PUDP: variants seen among roughly 807,000 people sequenced by gnomAD.
PUDP encodes pseudouridine 5'-phosphatase.
In PUDP, 8 loss-of-function variants were observed where a neutral mutation model predicts 9.4. The observed-to-expected ratio is 0.85, with a 90% CI of 0.50 to 1.53. The LOEUF (loss-of-function observed/expected upper bound fraction) is 1.53, where lower values mean the gene tolerates loss of function less well. PUDP is among the 40% of genes most tolerant of loss of function. The pLI is 0.00. For missense variants in PUDP, 188 were observed against 189.7 expected, an observed-to-expected ratio of 0.99 and a Z score of 0.05; for synonymous variants, 99 against 80.7, an observed-to-expected ratio of 1.23 and a Z score of -1.22.
intron 1 of PUDP, among the ~76,000 whole-genome samples, chrX:6,995,349 C>T (rs1178755301): frequency 9.0e-6 from 1 of 111,483 alleles, no homozygotes; most frequent in Non-Finnish European, 1.9e-5. Flanking sequence ...CACAGTCAAC[C>T]AAAATATCGA....
chrX:6,886,902 T>C (rs754628593), intron 3 of PUDP, among the ~76,000 whole-genome samples: 34 of 109,724 alleles, frequency 3.1e-4, no homozygotes, highest in African/African-American at 1.1e-3. Context: ...GAAACACATT[T>C]TCTGCATCAT....
At chrX:7,122,215 ATGTGTGTGTG>A (rs62871862) in intron 1 of PUDP, among the ~76,000 whole-genome samples, 112 of 99,955 alleles carry the variant, frequency 1.1e-3, no homozygotes, top group Non-Finnish European at 9.8e-4. Flanking sequence ...AAACCCATAT[ATGTGTGTGTG>A]TGTGTGTGTG....
chrX:6,839,270 G>A (rs947935060), intron 3 of PUDP, among the ~76,000 whole-genome samples: 13 of 111,548 alleles, frequency 1.2e-4, no homozygotes, highest in South Asian at 3.7e-4. Flanking sequence ...AATATCTCCC[G>A]TTTCTGTTTC....
intron 3 of PUDP, among the ~76,000 whole-genome samples, chrX:6,757,359 G>A (rs962982962): frequency 2.7e-5 from 3 of 110,572 alleles, no homozygotes; most frequent in African/African-American, 9.9e-5. Context: ...TAGTGCTAGG[G>A]AGAAGAAAGC....
intron 1 of PUDP, among the ~76,000 whole-genome samples, chrX:6,986,130 C>G (rs886347537): frequency 8.9e-6 from 1 of 111,954 alleles, no homozygotes. Flanking sequence ...TAATCCACCC[C>G]TTGTTTAGCA....
At chrX:7,124,163 G>A (rs1249642031) in intron 1 of PUDP, among the ~76,000 whole-genome samples, 2 of 112,085 alleles carry the variant, frequency 1.8e-5, no homozygotes, top group East Asian at 5.6e-4. Context: ...GTCTCAATAA[G>A]TTTACAAAGA....
chrX:6,737,973 G>A (rs762313459), intron 3 of PUDP, among the ~76,000 whole-genome samples: 3 of 111,482 alleles, frequency 2.7e-5, no homozygotes, highest in Admixed American at 9.5e-5. Flanking sequence ...TTAATGAGAA[G>A]AGGTCATATT....
intron 3 of PUDP, among the ~76,000 whole-genome samples, chrX:6,899,349 C>T (rs934194046): frequency 8.0e-5 from 9 of 112,366 alleles, no homozygotes; most frequent in African/African-American, 2.6e-4. Context: ...TTTGGGAGGC[C>T]GAGGGAGAAT....
chrX:6,835,218 T>C (rs973102182), intron 3 of PUDP, among the ~76,000 whole-genome samples: 1 of 110,889 alleles, frequency 9.0e-6, no homozygotes, highest in African/African-American at 3.3e-5. Context: ...ATAGCCAGCA[T>C]AGAAACAGTG....
chrX:6,958,437 T>C (rs1423027935), intron 3 of PUDP, among the ~76,000 whole-genome samples: 1 of 112,113 alleles, frequency 8.9e-6, no homozygotes, highest in Non-Finnish European at 1.9e-5. Flanking sequence ...TATTTAAGAA[T>C]GTTAGCACAG....
intron 3 of PUDP, among the ~76,000 whole-genome samples, chrX:6,966,550 T>TTTC (rs1555920136): frequency 1.9e-5 from 2 of 105,645 alleles, no homozygotes; most frequent in Non-Finnish European, 3.9e-5. Flanking sequence ...TTCATATTTT[T>TTTC]TTTTTTTTTT....
At chrX:6,978,073 C>A (rs1928980451) in intron 2 of PUDP, among the ~76,000 whole-genome samples, 1 of 112,214 alleles carries the variant, frequency 8.9e-6, no homozygotes, top group Admixed American at 9.4e-5. Flanking sequence ...ACAGAAGATG[C>A]CAATTAAACA....
intron 1 of PUDP, among the ~76,000 whole-genome samples, chrX:6,992,463 G>A (rs1357152303): frequency 1.9e-5 from 2 of 107,151 alleles, no homozygotes; most frequent in African/African-American, 6.8e-5. Context: ...TAGTAGAGAC[G>A]GGGTTTCACC....
chrX:6,914,741 A>G (rs2146759595), intron 3 of PUDP, among the ~76,000 whole-genome samples: 1 of 112,444 alleles, frequency 8.9e-6, no homozygotes, highest in Non-Finnish European at 1.9e-5. Context: ...GACTAAACAC[A>G]AGCACATCTC....
At chrX:6,750,984 A>C (rs1208838480) in intron 3 of PUDP, among the ~76,000 whole-genome samples, 2 of 110,165 alleles carry the variant, frequency 1.8e-5, no homozygotes, top group African/African-American at 6.6e-5. Flanking sequence ...GCAAAAATAC[A>C]AAAGGAAATT....
downstream of PUDP, among the ~76,000 whole-genome samples, chrX:7,045,405 G>A (rs1418642463): frequency 8.9e-6 from 1 of 111,978 alleles, no homozygotes; most frequent in South Asian, 3.7e-4. Flanking sequence ...TAACATACTT[G>A]ATTCCTGGCA....
chrX:6,990,779 A>G (rs1412624542), intron 1 of PUDP, among the ~76,000 whole-genome samples: 1 of 112,595 alleles, frequency 8.9e-6, no homozygotes, highest in African/African-American at 3.2e-5. Context: ...GAAGTCAGAA[A>G]ACTGGGAATT....
chrX:7,052,932 G>T (rs2146838735), intron 3 of PUDP, among the ~76,000 whole-genome samples: 1 of 112,023 alleles, frequency 8.9e-6, no homozygotes, highest in African/African-American at 3.2e-5. Context: ...CACTTAGACT[G>T]TCCAAGTTGG....
At chrX:6,898,914 A>G (rs2146750376) in intron 3 of PUDP, among the ~76,000 whole-genome samples, 1 of 111,561 alleles carries the variant, frequency 9.0e-6, no homozygotes, top group South Asian at 3.7e-4. Flanking sequence ...TCTTCAGTAT[A>G]AGAGTCCAGG....
Sources: allele counts gnomAD v4.1 joint callset (sites outside exome capture counted in the v4.1 genomes callset), GRCh38; gene constraint gnomAD v4.1.1; transcripts MANE v1.5; gene names NCBI Gene and HGNC (gene_info 2026-07-23, HGNC 2026-07-21).